CHRDL2: variants seen among roughly 807,000 people sequenced by gnomAD.
CHRDL2 encodes chordin like 2.
CHRDL2 carries 41 observed loss-of-function variants against 54.3 expected under a neutral mutation model. That is an observed-to-expected ratio of 0.76 (90% CI 0.59 to 0.98). CHRDL2 has a LOEUF of 0.98. Among genes scored for constraint, CHRDL2 ranks in the 50% least tolerant of loss-of-function variants. The pLI is 0.00. For missense variants in CHRDL2, 518 were observed against 562.4 expected, an observed-to-expected ratio of 0.92 and a Z score of 0.80; for synonymous variants, 220 against 224.3, an observed-to-expected ratio of 0.98 and a Z score of 0.17.
At chr11:74,730,748 C>T (rs949050397) in intron 1 of CHRDL2, 59 bp downstream of exon 1, 47 of 1,483,028 alleles carry the variant, frequency 3.2e-5, no homozygotes, top group Non-Finnish European at 4.0e-5. Context: ...CTGGCGCTGT[C>T]CCTCACATTC....
intron 2 of CHRDL2, among the ~76,000 whole-genome samples, chr11:74,716,771 G>C (rs1338290172): frequency 6.6e-6 from 1 of 151,576 alleles, no homozygotes; most frequent in African/African-American, 2.4e-5. Flanking sequence ...TTTAAGAGCA[G>C]AATGACATGA....
chr11:74,720,128 G>A (rs938059324), intron 1 of CHRDL2: 1 of 152,366 alleles, frequency 6.6e-6, no homozygotes, highest in African/African-American at 2.4e-5. Context: ...TCTCTTTGCC[G>A]AACCCCTTAT....
chr11:74,730,414 CTAA>C, intron 1 of CHRDL2, among the ~76,000 whole-genome samples: 1 of 152,274 alleles, frequency 6.6e-6, no homozygotes, highest in South Asian at 2.1e-4. Flanking sequence ...GAAGGTTATC[CTAA>C]TTACCTCTCA....
intron 6 of CHRDL2, among the ~76,000 whole-genome samples, chr11:74,704,883 C>T (rs532538720): frequency 1.2e-4 from 18 of 152,242 alleles, no homozygotes; most frequent in Non-Finnish European, 1.9e-4. Context: ...GAAATCTGGC[C>T]TCCACGAAGC....
In CHRDL2 at chr11:74,703,388, T is replaced by C. The variant is rs1454179466; in HGVS notation, c.863A>G (p.Asp288Gly). The C allele has an allele frequency of 6.2e-7, 1 of 1,613,474 alleles. No individual in the cohort carries two copies. The highest frequency in any genetic ancestry group is 1.7e-5 in the Admixed American group (1 of 59,990). ...ILCTCEDGRQDCQRVTCPTEY... is the reference protein window; with the variant it reads ...ILCTCEDGRQGCQRVTCPTEY... ...GGTGGGACAGGTCACACGCTGGCAGTCCTGGCGGCCATCCTCACAGGTGCA... is the reference window on the plus strand; with the variant it reads ...GGTGGGACAGGTCACACGCTGGCAGCCCTGGCGGCCATCCTCACAGGTGCA... The change falls in exon 8 of 11, where the codon GAC becomes GGC. Residue 288 changes from aspartate to glycine, a missense_variant. By Grantham distance (94) the Asp-to-Gly change is moderately conservative. Transcript: ENST00000376332.
intron 1 of CHRDL2, among the ~76,000 whole-genome samples, chr11:74,722,734 G>A (rs893629509): frequency 6.6e-6 from 1 of 152,030 alleles, no homozygotes; most frequent in African/African-American, 2.4e-5. Flanking sequence ...TCATGATTCT[G>A]GTGGCCTCCT....
At chr11:74,706,690 A>G in intron 5 of CHRDL2, 148 bp from the exon 6 acceptor site, 2 of 688,298 alleles carry the variant, frequency 2.9e-6, no homozygotes, top group Non-Finnish European at 5.0e-6. Context: ...CCTTTGCCCC[A>G]GTGGGGACTT....
chr11:74,708,359 CG>C lies in CHRDL2; in HGVS notation c.468del (p.Glu157AsnfsTer38). The stretch of plus-strand genomic sequence containing the variant: ...GGGAGGGGTGCTGGGCAGCCTGGTT[CG>C]GGGCAGGTTGTGAGGCCGCAGTAGA... ...GQIYCGLTTC[P>X]EPGCPAPLPL... is the part of the protein sequence containing the mutation. On this transcript the variant is annotated frameshift_variant, in exon 5 of 11. Coordinates refer to ENST00000376332, the MANE Select transcript of CHRDL2 (RefSeq NM_001278473.3). LOFTEE classifies it high-confidence loss of function. The C allele has an allele frequency of 1.3e-6, 2 of 1,588,512 alleles. No individual in the cohort carries two copies. Among genetic ancestry groups the C allele is most frequent in the Non-Finnish European group, 8.5e-7 (1 of 1,170,382 alleles).
chr11:74,713,247 C>T (rs1368017622), intron 3 of CHRDL2, 139 bp downstream of exon 3: 1 of 668,838 alleles, frequency 1.5e-6, no homozygotes, highest in Non-Finnish European at 2.5e-6. Flanking sequence ...GATATTTCCT[C>T]CCTTGAGCAC....
chr11:74,729,019 C>T lies in CHRDL2; in HGVS notation c.82+1788G>A, dbSNP rs182538297. On this transcript the variant is annotated intron_variant, in intron 1 of 10. Transcript: ENST00000376332. The stretch of plus-strand genomic sequence containing the variant: ...GGGAGATCAGAGTGGATCAAGTCAC[C>T]GGGGAGAGTTTGCTTGAAGAGGTGT... Among the ~76,000 whole-genome samples the T allele has an allele frequency of 9.2e-5, 14 of 152,194 alleles. No homozygotes were observed. The East Asian group carries it at 2.3e-3, about 25-fold the overall frequency.
chr11:74,717,490 T>C (rs1246602866), intron 2 of CHRDL2, among the ~76,000 whole-genome samples: 1 of 152,182 alleles, frequency 6.6e-6, no homozygotes, highest in African/African-American at 2.4e-5. Context: ...GCCTCAGATG[T>C]GCTAAGGCAA....
At position 74,731,271 on chromosome 11, in the gene CHRDL2, CGGGCGCGCGGGCT is replaced by C. The variant is rs2034650043; in HGVS notation, c.-396_-384del. 2 of 153,694 alleles carry C rather than the reference CGGGCGCGCGGGCT, an allele frequency of 1.3e-5. No individual in the cohort carries two copies. Among genetic ancestry groups the C allele is most frequent in the African/African-American group, 4.8e-5 (2 of 41,328 alleles). 9.5% of individuals were successfully genotyped at this position (153,694 alleles called of 1,614,324 possible). Reference sequence around the variant, plus strand: ...AGGCGCGCGGGACCAGCGGGTGTTGCGGGCGCGCGGGCTAGAGGCGGCCGGCGCCCCCTGCTCG... The same window carrying C: ...AGGCGCGCGGGACCAGCGGGTGTTGCAGAGGCGGCCGGCGCCCCCTGCTCG... On this transcript the variant is annotated 5_prime_UTR_variant, in exon 1 of 11. Coordinates refer to ENST00000376332, the MANE Select transcript of CHRDL2 (RefSeq NM_001278473.3). This position sits in a 1 kb window ranked among gnomAD's most constrained non-coding sequence, Gnocchi z 4.4.
intron 9 of CHRDL2, chr11:74,699,209 A>G (rs2033717310): frequency 6.6e-6 from 1 of 152,326 alleles, no homozygotes; most frequent in African/African-American, 2.4e-5. Flanking sequence ...CTCCCGAGTT[A>G]CAGAAAAATT....
intron 9 of CHRDL2, chr11:74,699,804 A>C (rs1481428241): frequency 6.6e-6 from 1 of 152,272 alleles, no homozygotes; most frequent in Admixed American, 6.5e-5. Flanking sequence ...ACTGACAATC[A>C]ACCCTGGGTA....
intron 9 of CHRDL2, chr11:74,701,451 C>A (rs893364097): frequency 5.2e-6 from 3 of 575,558 alleles, no homozygotes; most frequent in Non-Finnish European, 6.4e-6. Flanking sequence ...GCAGTCCTGT[C>A]CCCCTGAGTC....
At chr11:74,708,501 T>G in intron 4 of CHRDL2, 106 bp from the exon 5 acceptor site, 1 of 802,152 alleles carries the variant, frequency 1.2e-6, no homozygotes, top group Non-Finnish European at 1.9e-6. Context: ...AGGTCTCTCC[T>G]ATGGTGGGGA....
intron 2 of CHRDL2, among the ~76,000 whole-genome samples, chr11:74,716,555 A>G (rs2034358857): frequency 6.8e-6 from 1 of 146,444 alleles, no homozygotes; most frequent in Non-Finnish European, 1.5e-5. Flanking sequence ...AAAAAAAAAA[A>G]AAAAGAAAGA....
At chr11:74,717,655 C>T (rs2034398182) in intron 2 of CHRDL2, among the ~76,000 whole-genome samples, 1 of 152,172 alleles carries the variant, frequency 6.6e-6, no homozygotes, top group Admixed American at 6.5e-5. Flanking sequence ...TCCGCCACCC[C>T]ACAGGATCTC....
Position 74,710,836 on chromosome 11 carries a change from CAGG to C in CHRDL2, c.432+10_432+12del. The C allele has an allele frequency of 5.0e-6, 8 of 1,613,540 alleles. No individual in the cohort carries two copies. Among genetic ancestry groups the C allele is most frequent in the Non-Finnish European group, 6.8e-6 (8 of 1,179,708 alleles). ...GCGCTGGCCTGTGCTGAAGGGAAGG[CAGG>C]AGTTCTTACTGTGCAGCTGCAGAGG... On this transcript the variant is annotated intron_variant, in intron 4 of 10. Transcript: ENST00000376332.
Sources: gnomAD v4.1 joint callset for allele counts (sites outside exome capture counted in the v4.1 genomes callset) on GRCh38, gnomAD v4.1.1 for gene constraint, Gnocchi (gnomAD v3.1) non-coding constraint, MANE v1.5 for transcripts, NCBI Gene and HGNC (gene_info 2026-07-23, HGNC 2026-07-21) for gene names.